The following POLQ variants were observed in gnomAD, a reference collection of about 807,000 sequenced individuals.
POLQ encodes epididymis secretory sperm binding protein.
Under a neutral mutation model 259.2 loss-of-function variants are expected in POLQ, and 233 were observed. That is an observed-to-expected ratio of 0.90 (90% CI 0.81 to 1.00). The LOEUF (loss-of-function observed/expected upper bound fraction) is 1.00, where lower values mean the gene tolerates loss of function less well. POLQ is among the 50% of genes least tolerant of loss of function. POLQ has a pLI of 0.00. For missense variants in POLQ, 2,871 were observed against 3,051.6 expected (o/e 0.94, Z 1.39); for synonymous variants, 1,025 against 1,048.8 (o/e 0.98, Z 0.44).
chr3:121,499,088 A>T (rs2048146691), intron 12 of POLQ, among the ~76,000 whole-genome samples: 1 of 152,220 alleles, frequency 6.6e-6, no homozygotes, highest in South Asian at 2.1e-4. Context: ...CTCAAAAAAA[A>T]TTACAATAAA....
chr3:121,485,110 C>T lies in POLQ; in HGVS notation c.5704G>A (p.Gly1902Arg). The change falls in exon 17 of 30, where the codon GGA (glycine) becomes AGA (arginine). Residue 1902 changes from glycine to arginine, a missense_variant. Physicochemically the swap from Gly to Arg is moderately radical, Grantham distance 125. This residue lies in a region of POLQ where 2,080 missense variants were observed against 2,126.0 expected (regional missense o/e 0.98). Transcript: ENST00000264233. ...IKGCDDTLVV[G>R]LAVCWGGRDA... ...CTTCCACCCCAGCATACTGCCAGTCCAACCACCAAGGTGTCATCACAACCT... is the reference window on the plus strand; with the variant it reads ...CTTCCACCCCAGCATACTGCCAGTCTAACCACCAAGGTGTCATCACAACCT... The T allele has an allele frequency of 1.2e-6, 2 of 1,612,126 alleles. No individual in the cohort carries two copies. Among genetic ancestry groups the T allele is most frequent in the Non-Finnish European group, 1.7e-6 (2 of 1,178,452 alleles).
chr3:121,541,027 T>G (rs1315533949), intron 3 of POLQ, among the ~76,000 whole-genome samples: 2 of 151,940 alleles, frequency 1.3e-5, no homozygotes, highest in Non-Finnish European at 2.9e-5. Flanking sequence ...ATTACAGGTG[T>G]GCGCCACAAC....
At chr3:121,472,549 C>A (rs2047894058) in intron 21 of POLQ, among the ~76,000 whole-genome samples, 1 of 152,146 alleles carries the variant, frequency 6.6e-6, no homozygotes. Context: ...TGCCCGGATA[C>A]TTATACGGTT....
intron 24 of POLQ, among the ~76,000 whole-genome samples, chr3:121,466,941 T>C (rs571065865): frequency 1.3e-5 from 2 of 152,320 alleles, no homozygotes; most frequent in African/African-American, 4.8e-5. Flanking sequence ...CAAATATGTA[T>C]ACTAACAGTT....
chr3:121,440,704 G>C (rs1337995423), intron 26 of POLQ, among the ~76,000 whole-genome samples: 2 of 152,076 alleles, frequency 1.3e-5, no homozygotes, highest in African/African-American at 4.8e-5. Flanking sequence ...CAGATATCTA[G>C]GTGTCTTTAT....
chr3:121,477,901 T>C (rs1174825786), intron 19 of POLQ, among the ~76,000 whole-genome samples: 1 of 152,106 alleles, frequency 6.6e-6, no homozygotes, highest in Non-Finnish European at 1.5e-5. Flanking sequence ...TCTAACTACA[T>C]GCAGAAGGTA....
chr3:121,519,359 GATATATAT>G (rs58512042), intron 9 of POLQ, among the ~76,000 whole-genome samples: 3 of 136,698 alleles, frequency 2.2e-5, no homozygotes, highest in Non-Finnish European at 3.1e-5. Context: ...AACAGTTGAT[GATATATAT>G]ATATATATAT....
intron 24 of POLQ, among the ~76,000 whole-genome samples, chr3:121,461,108 G>T (rs1309407879): frequency 6.6e-6 from 1 of 152,164 alleles, no homozygotes; most frequent in African/African-American, 2.4e-5. Flanking sequence ...CACCTGTATT[G>T]CAAAAATTAC....
intron 25 of POLQ, among the ~76,000 whole-genome samples, chr3:121,457,514 C>T (rs909973041): frequency 1.3e-5 from 2 of 152,138 alleles, no homozygotes; most frequent in Admixed American, 1.3e-4. Flanking sequence ...CCAGAATCTA[C>T]AATGAACTCA....
chr3:121,497,466 T>G (rs992871118), intron 13 of POLQ, among the ~76,000 whole-genome samples: 1 of 152,178 alleles, frequency 6.6e-6, no homozygotes, highest in African/African-American at 2.4e-5. Flanking sequence ...AGACGGAGTC[T>G]CACTGTGTTG....
chr3:121,458,339 A>G (rs1269104522), intron 25 of POLQ, among the ~76,000 whole-genome samples: 2 of 152,072 alleles, frequency 1.3e-5, no homozygotes, highest in Admixed American at 6.5e-5. Flanking sequence ...TACATATGTA[A>G]CTAACCTGCA....
At chr3:121,515,062 G>A (rs2048285221) in intron 9 of POLQ, among the ~76,000 whole-genome samples, 1 of 152,326 alleles carries the variant, frequency 6.6e-6, no homozygotes, top group East Asian at 1.9e-4. Flanking sequence ...GCAAAGTGCA[G>A]GGACTAGTTC....
rs950779692 is a variant in POLQ at position 121,541,585 on chromosome 3, C to T, written c.344-106G>A. On this transcript the variant is annotated intron_variant, in intron 2 of 29. Transcript: ENST00000264233. ...GTAGTACTACAGAGCCTAAGGCTAA[C>T]CAATCACTAAGGGCCCAATAGCACT... is the stretch of plus-strand genomic sequence containing the variant. 3.1e-6 allele frequency: 3 copies of T among 973,886 alleles called. No individual in the cohort carries two copies. In the African/African-American group the frequency reaches 4.9e-5, roughly 16 times the overall value. 60.3% of individuals were successfully genotyped at this position (973,886 alleles called of 1,614,324 possible). A position where few individuals can be genotyped will look rare whatever the true frequency, so the allele number is the denominator to read the frequency against.
intron 9 of POLQ, among the ~76,000 whole-genome samples, chr3:121,518,489 A>G (rs1237390357): frequency 1.3e-5 from 2 of 152,224 alleles, no homozygotes; most frequent in African/African-American, 4.8e-5. Context: ...TTTTTCGCAG[A>G]TCTGCATATG....
chr3:121,490,501 T>C (rs2048059715), intron 15 of POLQ, 93 bp from the exon 16 acceptor site: 2 of 997,756 alleles, frequency 2.0e-6, no homozygotes, highest in East Asian at 2.4e-5. Context: ...TACCAGGAAC[T>C]GAAAAAATAA....
At chr3:121,433,580 C>T (rs565770987) in intron 28 of POLQ, among the ~76,000 whole-genome samples, 1 of 152,256 alleles carries the variant, frequency 6.6e-6, no homozygotes, top group East Asian at 1.9e-4. Flanking sequence ...GTACATAAAC[C>T]CCTTGCAGTT....
Position 121,522,022 on chromosome 3 carries a change from T to C in POLQ, c.1236A>G (p.Gly412=), listed in dbSNP as rs1211952048. 6.3e-7 allele frequency: 1 copy of C among 1,575,630 alleles called. No homozygotes were observed. The stretch of plus-strand genomic sequence containing the variant: ...AAATACCTGCATGATGAAATGCTAC[T>C]CCCCATGGTACAGTTTTCTGTAATA... ...DSVLQKTVPW[G]VAFHHAGLTF... Residue 412 remains glycine, a synonymous_variant, in exon 8 of 30, where the codon GGA becomes GGG. Transcript: ENST00000264233.
At chr3:121,453,439 T>C (rs1216137885) in intron 25 of POLQ, among the ~76,000 whole-genome samples, 2 of 152,150 alleles carry the variant, frequency 1.3e-5, no homozygotes, top group African/African-American at 4.8e-5. Context: ...ATCAAACTAC[T>C]CCGAGCTACA....
At chr3:121,432,817 G>C in intron 29 of POLQ, 101 bp downstream of exon 29, 1 of 734,442 alleles carries the variant, frequency 1.4e-6, no homozygotes, top group Non-Finnish European at 2.5e-6. Context: ...CCAGGGCTAG[G>C]GTAGAGTTCC....
Sources: allele counts gnomAD v4.1 joint callset (sites outside exome capture counted in the v4.1 genomes callset), GRCh38; gene constraint gnomAD v4.1.1; regional missense constraint gnomAD v4.1.1; transcripts MANE v1.5; gene names NCBI Gene and HGNC (gene_info 2026-07-23, HGNC 2026-07-21).